NUP205: variants seen among roughly 807,000 people sequenced by gnomAD.
The protein encoded by NUP205 is nucleoporin 205.
Under a neutral mutation model 253.8 loss-of-function variants are expected in NUP205, and 76 were observed. The observed-to-expected ratio is 0.30, with a 90% CI of 0.25 to 0.36. NUP205 has a LOEUF of 0.36. Ranked by LOEUF, NUP205 falls within the 10% of genes least tolerant of loss-of-function variation. NUP205 has a pLI of 1.00. For missense variants in NUP205, 2,162 were observed against 2,425.5 expected (o/e 0.89, Z 2.28); for synonymous variants, 832 against 850.1 (o/e 0.98, Z 0.37).
At position 135,643,187 on chromosome 7, in the gene NUP205, A is replaced by G. The variant is rs748586535; in HGVS notation, c.5393-5A>G. The stretch of plus-strand genomic sequence containing the variant: ...AACATTGTTTTATGTCATCACCTCT[A>G]TTAGATACCCAAGCTCCAGTGGTTC... On this transcript the variant is annotated splice_polypyrimidine_tract_variant and splice_region_variant and intron_variant, in intron 38 of 42. Coordinates refer to ENST00000285968, the MANE Select transcript of NUP205 (RefSeq NM_015135.3). 3 of 1,613,266 alleles carry G rather than the reference A, an allele frequency of 1.9e-6. No individual in the cohort carries two copies. The highest frequency in any genetic ancestry group is 2.2e-5 in the South Asian group (2 of 91,030).
chr7:135,628,561 A>C (rs1319102311), intron 34 of NUP205, among the ~76,000 whole-genome samples: 2 of 152,242 alleles, frequency 1.3e-5, no homozygotes, highest in African/African-American at 4.8e-5. Context: ...AAATAATTTA[A>C]ATGAGTGATT....
chr7:135,641,729 G>C (rs971808857), intron 38 of NUP205, among the ~76,000 whole-genome samples: 20 of 152,002 alleles, frequency 1.3e-4, no homozygotes, highest in Admixed American at 1.2e-3. Context: ...GAGCCCAGGA[G>C]GTTGAGGTTG....
In NUP205 at chr7:135,580,615, G is replaced by T. The variant is rs1007700169; in HGVS notation, c.1042+1700G>T. Among the ~76,000 whole-genome samples the T allele has an allele frequency of 8.6e-5, 13 of 151,882 alleles. 1 individual carries two copies. The East Asian group carries it at 2.5e-3, about 29-fold the overall frequency. ...GTACCTGGGACTATAGTCGCACGCC[G>T]CCACACCCAGCTAAGTTTTTGTATT... On this transcript the variant is annotated intron_variant, in intron 7 of 42. Transcript: ENST00000285968.
Position 135,585,089 on chromosome 7 carries a change from T to C in NUP205, c.1218+82T>C, listed in dbSNP as rs79480542. The C allele has an allele frequency of 0.018, 22,390 of 1,218,690 alleles. 379 individuals are homozygous for C. The highest frequency in any genetic ancestry group is 0.069 in the South Asian group (4,195 of 61,158). 75.5% of individuals were successfully genotyped at this position (1,218,690 alleles called of 1,614,324 possible). On this transcript the variant is annotated intron_variant, in intron 8 of 42. Transcript: ENST00000285968. ...AAACTGATTAACCAGCTTTATGTTT[T>C]GGAAACTAATAAAAATTTTTAATAC...
At chr7:135,558,066 C>G in intron 1 of NUP205, 94 bp downstream of exon 1, 2 of 1,053,832 alleles carry the variant, frequency 1.9e-6, no homozygotes, top group Non-Finnish European at 3.0e-6. Context: ...GTCTAGGACC[C>G]CACTTATGTG....
At chr7:135,559,043 C>T (rs1321925439) in intron 1 of NUP205, among the ~76,000 whole-genome samples, 1 of 152,176 alleles carries the variant, frequency 6.6e-6, no homozygotes, top group Non-Finnish European at 1.5e-5. Context: ...CACTTATTAT[C>T]GTGCTTATCT....
At chr7:135,581,432 A>G (rs1433524754) in intron 7 of NUP205, among the ~76,000 whole-genome samples, 2 of 152,182 alleles carry the variant, frequency 1.3e-5, no homozygotes, top group Admixed American at 1.3e-4. Flanking sequence ...CTGTAGTCCC[A>G]GCTACGCAGG....
chr7:135,584,202 G>A (rs1806395142), intron 7 of NUP205, among the ~76,000 whole-genome samples: 2 of 152,056 alleles, frequency 1.3e-5, no homozygotes, highest in Admixed American at 6.6e-5. Context: ...ATGTATGAGT[G>A]GAGAGGGGGA....
Position 135,625,304 on chromosome 7 carries a change from C to T in NUP205, c.4620C>T (p.Leu1540=), listed in dbSNP as rs1380104513. 2 of 1,613,592 alleles carry T rather than the reference C, an allele frequency of 1.2e-6. No individual in the cohort carries two copies. Among genetic ancestry groups the T allele is most frequent in the Non-Finnish European group, 1.7e-6 (2 of 1,179,872 alleles). ...ATGACCGTACTTTGCAGAGCTTACT[C>T]ACCCCACAGCCTCCCCTTTTAAAAG... is the stretch of plus-strand genomic sequence containing the variant. ...VEDDRTLQSL[L]TPQPPLLKAL... The change falls in exon 32 of 43, where the codon CTC becomes CTT. Residue 1540 remains leucine, a synonymous_variant. Transcript: ENST00000285968.
chr7:135,575,855 AG>A (rs1425913451), intron 3 of NUP205, among the ~76,000 whole-genome samples: 1 of 152,238 alleles, frequency 6.6e-6, no homozygotes, highest in Middle Eastern at 3.2e-3. Flanking sequence ...AATTATAAAA[AG>A]GTTGTTTATT....
At chr7:135,569,907 G>A (rs977380912) in intron 1 of NUP205, among the ~76,000 whole-genome samples, 2 of 151,888 alleles carry the variant, frequency 1.3e-5, no homozygotes, top group Non-Finnish European at 2.9e-5. Context: ...AAGAAGGAAA[G>A]GAAGGAAAGG....
intron 10 of NUP205, 107 bp from the exon 11 acceptor site, chr7:135,591,343 A>T: frequency 1.1e-6 from 1 of 886,700 alleles, no homozygotes; most frequent in Non-Finnish European, 1.8e-6. Context: ...TGCGAGGGTT[A>T]AGTCAGAGCA....
intron 35 of NUP205, among the ~76,000 whole-genome samples, chr7:135,634,431 GA>G (rs997086895): frequency 1.3e-5 from 2 of 151,904 alleles, no homozygotes. Context: ...GGACAAAGAG[GA>G]AAAAAAGTCT....
rs567390145 is a variant in NUP205, at chr7:135,626,712, A to G, written c.4793+351A>G. Among the ~76,000 whole-genome samples, 5 of 152,286 alleles carry G rather than the reference A, an allele frequency of 3.3e-5. No individual in the cohort carries two copies. The South Asian group carries it at 8.3e-4, about 25-fold the overall frequency. On this transcript the variant is annotated intron_variant, in intron 33 of 42. Coordinates refer to ENST00000285968, the MANE Select transcript of NUP205 (RefSeq NM_015135.3). ...TTGAATAGAATTTCAGATTATATAT[A>G]TATTTTTTCTGATTTCAATATTTTG... is the stretch of plus-strand genomic sequence containing the variant.
intron 8 of NUP205, 79 bp from the exon 9 acceptor site, chr7:135,587,496 A>T: frequency 1.3e-6 from 1 of 748,640 alleles, no homozygotes; most frequent in Non-Finnish European, 2.1e-6. Flanking sequence ...TAGTCACTTT[A>T]AGACAGTTGC....
intron 1 of NUP205, among the ~76,000 whole-genome samples, chr7:135,568,142 G>T (rs545893707): frequency 6.6e-6 from 1 of 151,882 alleles, no homozygotes; most frequent in African/African-American, 2.4e-5. Flanking sequence ...AGAATCACTT[G>T]AACTCAGGAG....
chr7:135,646,657 T>G (rs982314872), intron 42 of NUP205, among the ~76,000 whole-genome samples: 7 of 152,228 alleles, frequency 4.6e-5, no homozygotes, highest in African/African-American at 1.7e-4. Context: ...AAGCCTGGTA[T>G]GTTAATAAGA....
intron 7 of NUP205, among the ~76,000 whole-genome samples, chr7:135,580,577 C>G (rs1339294323): frequency 6.6e-6 from 1 of 152,016 alleles, no homozygotes; most frequent in Non-Finnish European, 1.5e-5. Context: ...GCAATTCTGC[C>G]TCAGCCTCCG....
At position 135,625,414 on chromosome 7, in the gene NUP205, T is replaced by A. The variant is rs139397295; in HGVS notation, c.4671+59T>A. ...GAAGTCGTTTTCTCTTGGCTATAGA[T>A]GTATTAAAGAAAATTAATGTGGCAT... On this transcript the variant is annotated intron_variant, in intron 32 of 42. Transcript: ENST00000285968. 59 of 1,264,576 alleles carry A rather than the reference T, an allele frequency of 4.7e-5. No homozygotes were observed. In the African/African-American group the frequency reaches 7.9e-4, roughly 17 times the overall value. The allele number at this position is 1,264,576 out of a possible 1,614,324, so 78.3% of individuals were successfully genotyped here.
Sources: allele counts gnomAD v4.1 joint callset (sites outside exome capture counted in the v4.1 genomes callset), GRCh38; gene constraint gnomAD v4.1.1; transcripts MANE v1.5; gene names NCBI Gene and HGNC (gene_info 2026-07-23, HGNC 2026-07-21).